The following ZNF804A variants were observed in gnomAD, a reference collection of about 807,000 sequenced individuals.
ZNF804A encodes the protein zinc finger protein 804A.
Under a neutral mutation model 16.5 loss-of-function variants are expected in ZNF804A, and 2 were observed. The observed-to-expected ratio is 0.12, with a 90% CI of 0.05 to 0.38. The LOEUF is 0.38. ZNF804A is among the 10% of genes least tolerant of loss of function. The probability of loss-of-function intolerance (pLI) is 0.99; values close to 1 mark genes in which losing one functional copy is unlikely to be tolerated. For synonymous variants in ZNF804A, 534 were observed against 489.6 expected (o/e 1.09, Z -1.20); for missense variants, 1,473 against 1,390.7 (o/e 1.06, Z -0.94).
chr2:184,693,330 A>T (rs1374979594), intron 1 of ZNF804A, among the ~76,000 whole-genome samples: 2 of 152,194 alleles, frequency 1.3e-5, no homozygotes, highest in Non-Finnish European at 2.9e-5. Context: ...ACCTCATTTT[A>T]TAAGTAGATA....
chr2:184,656,500 A>C (rs1166818311), intron 1 of ZNF804A, among the ~76,000 whole-genome samples: 1 of 152,150 alleles, frequency 6.6e-6, no homozygotes, highest in East Asian at 1.9e-4. Context: ...AAGGTAGAAA[A>C]AGTAGTGCTT....
intron 1 of ZNF804A, among the ~76,000 whole-genome samples, chr2:184,754,999 T>C (rs527524173): frequency 9.2e-5 from 14 of 151,874 alleles, no homozygotes; most frequent in Admixed American, 4.6e-4. Context: ...CCATGATCAA[T>C]CACCTCCCAC....
At chr2:184,782,773 T>C (rs1694391705) in intron 1 of ZNF804A, among the ~76,000 whole-genome samples, 1 of 150,048 alleles carries the variant, frequency 6.7e-6, no homozygotes, top group Admixed American at 6.7e-5. Flanking sequence ...AAGGATTTTT[T>C]TTTTTTTTTT....
intron 1 of ZNF804A, among the ~76,000 whole-genome samples, chr2:184,849,208 T>G (rs890747939): frequency 3.9e-5 from 6 of 151,992 alleles, no homozygotes; most frequent in Non-Finnish European, 7.4e-5. Flanking sequence ...GGTATTAATT[T>G]CTCAGAATTT....
At chr2:184,886,020 G>A (rs1311051710) in intron 2 of ZNF804A, among the ~76,000 whole-genome samples, 3 of 152,232 alleles carry the variant, frequency 2.0e-5, no homozygotes, top group Non-Finnish European at 4.4e-5. Flanking sequence ...TATGCCAGAA[G>A]TCCACAGTCC....
intron 1 of ZNF804A, among the ~76,000 whole-genome samples, chr2:184,820,829 T>A (rs933156950): frequency 6.6e-6 from 1 of 151,562 alleles, no homozygotes; most frequent in Non-Finnish European, 1.5e-5. Context: ...GCTACAAAAA[T>A]AATAAAATAC....
At chr2:184,864,875 A>ATTTTTTTTTTTTTTTTTTTTTT (rs34114485) in intron 1 of ZNF804A, among the ~76,000 whole-genome samples, 2 of 105,466 alleles carry the variant, frequency 1.9e-5, no homozygotes, top group Admixed American at 1.0e-4. Context: ...TATAGTTAGG[A>ATTTTTTTTTTTTTTTTTTTTTT]TTTTTTTTTT....
intron 1 of ZNF804A, among the ~76,000 whole-genome samples, chr2:184,651,182 A>T (rs1006974621): frequency 4.6e-5 from 7 of 152,122 alleles, no homozygotes; most frequent in Non-Finnish European, 1.0e-4. Context: ...GACAAAAACA[A>T]GCAATGGGGA....
At chr2:184,725,109 A>T (rs1036906077) in intron 1 of ZNF804A, among the ~76,000 whole-genome samples, 2 of 151,692 alleles carry the variant, frequency 1.3e-5, no homozygotes, top group African/African-American at 4.8e-5. Context: ...CTAGTTCTGC[A>T]TATTGATTTG....
chr2:184,845,725 T>C (rs1301135370), intron 1 of ZNF804A, among the ~76,000 whole-genome samples: 1 of 152,132 alleles, frequency 6.6e-6, no homozygotes, highest in African/African-American at 2.4e-5. Context: ...TCTCAGATCA[T>C]CATCATGAGA....
intron 1 of ZNF804A, among the ~76,000 whole-genome samples, chr2:184,749,156 A>T (rs1337638902): frequency 2.6e-5 from 4 of 151,184 alleles, no homozygotes; most frequent in Non-Finnish European, 5.9e-5. Context: ...GAATCTGTAA[A>T]TTGCTATGAG....
At chr2:184,715,303 G>T (rs1345899952) in intron 1 of ZNF804A, among the ~76,000 whole-genome samples, 1 of 152,138 alleles carries the variant, frequency 6.6e-6, no homozygotes, top group Non-Finnish European at 1.5e-5. Context: ...CAGTTAAAGT[G>T]TTCACTTCTG....
At chr2:184,633,426 C>T (rs1369647086) in intron 1 of ZNF804A, among the ~76,000 whole-genome samples, 1 of 152,100 alleles carries the variant, frequency 6.6e-6, no homozygotes, top group Non-Finnish European at 1.5e-5. Context: ...CCACCAGGCA[C>T]ATTAAACCAC....
chr2:184,668,503 G>T (rs1692287915), intron 1 of ZNF804A, among the ~76,000 whole-genome samples: 1 of 151,872 alleles, frequency 6.6e-6, no homozygotes, highest in Admixed American at 6.6e-5. Flanking sequence ...CAAATTAGCA[G>T]AAGAAAATGT....
chr2:184,817,257 A>G (rs13386789), intron 1 of ZNF804A, among the ~76,000 whole-genome samples: 26,487 of 151,746 alleles, frequency 0.17, 2,710 homozygotes, highest in African/African-American at 0.28. Flanking sequence ...AGGGATAAAA[A>G]CAAAGCCACT....
At position 184,930,212 on chromosome 2, in the gene ZNF804A, T is replaced by A. The variant is rs528861314; in HGVS notation, c.256-3391T>A. Among the ~76,000 whole-genome samples, 39 of 152,278 alleles carry A rather than the reference T, an allele frequency of 2.6e-4. 1 individual carries two copies. Among genetic ancestry groups the A allele is most frequent in the African/African-American group, 9.1e-4 (38 of 41,576 alleles). On this transcript the variant is annotated intron_variant, in intron 2 of 3. Transcript: ENST00000302277. ...ACCAAGACCCTGTATACCTAAAATT[T>A]ATGAGCAAAATATTCTTGACCTATT... is the stretch of plus-strand genomic sequence containing the variant.
intron 2 of ZNF804A, among the ~76,000 whole-genome samples, chr2:184,908,064 A>G (rs563437101): frequency 6.6e-6 from 1 of 152,166 alleles, no homozygotes; most frequent in African/African-American, 2.4e-5. Flanking sequence ...TTAGTTTCCA[A>G]TTGCTTCTGT....
intron 2 of ZNF804A, among the ~76,000 whole-genome samples, chr2:184,895,392 A>C (rs555852125): frequency 6.6e-6 from 1 of 152,358 alleles, no homozygotes; most frequent in South Asian, 2.1e-4. Flanking sequence ...AGATGGAATT[A>C]TTGTTATGAA....
intron 1 of ZNF804A, among the ~76,000 whole-genome samples, chr2:184,675,406 T>A (rs1423222490): frequency 1.3e-5 from 2 of 151,816 alleles, no homozygotes; most frequent in Admixed American, 1.3e-4. Flanking sequence ...ATCATATGCA[T>A]CAAACCCTAG....
Sources: allele counts gnomAD v4.1 joint callset (sites outside exome capture counted in the v4.1 genomes callset), GRCh38; gene constraint gnomAD v4.1.1; transcripts MANE v1.5; gene names NCBI Gene and HGNC (gene_info 2026-07-23, HGNC 2026-07-21).